The following FAM135B variants were observed in gnomAD, a reference collection of about 807,000 sequenced individuals.
FAM135B encodes the protein protein FAM135B.
In FAM135B, 43 loss-of-function variants were observed where a neutral mutation model predicts 127.7. The observed-to-expected ratio is 0.34, with a 90% confidence interval of 0.26 to 0.43. FAM135B has a LOEUF of 0.43. Among genes scored for constraint, FAM135B ranks in the 20% least tolerant of loss-of-function variants. FAM135B has a pLI of 1.00. For synonymous variants in FAM135B, 670 were observed against 665.1 expected, an observed-to-expected ratio of 1.01 and a Z score of -0.11; for missense variants, 1,558 against 1,725.6, an observed-to-expected ratio of 0.90 and a Z score of 1.72.
chr8:138,312,034 C>T (rs1484367515), intron 2 of FAM135B, among the ~76,000 whole-genome samples: 2 of 152,124 alleles, frequency 1.3e-5, no homozygotes, highest in Non-Finnish European at 2.9e-5. Context: ...ACAACATCTG[C>T]CTCCTGGGTT....
At chr8:138,200,966 G>A (rs539524196) in intron 7 of FAM135B, among the ~76,000 whole-genome samples, 6 of 152,148 alleles carry the variant, frequency 3.9e-5, no homozygotes, top group Admixed American at 2.0e-4. Flanking sequence ...GGGCTGATGC[G>A]AGCTTGTCCT....
intron 7 of FAM135B, among the ~76,000 whole-genome samples, chr8:138,231,936 G>A (rs1819934996): frequency 6.6e-6 from 1 of 152,186 alleles, no homozygotes. Context: ...AGAGGGTGGG[G>A]AGAAAGGGAT....
chr8:138,147,967 A>C (rs1395694770), intron 14 of FAM135B, among the ~76,000 whole-genome samples: 1 of 152,186 alleles, frequency 6.6e-6, no homozygotes, highest in Non-Finnish European at 1.5e-5. Context: ...CCTGGTATAC[A>C]AAAGGTATCC....
Position 138,134,595 on chromosome 8 carries a change from G to C in FAM135B, c.4016-1797C>G, listed in dbSNP as rs180711837. On this transcript the variant is annotated intron_variant, in intron 19 of 19. Coordinates refer to ENST00000395297, the MANE Select transcript of FAM135B (RefSeq NM_015912.4). ...GGCAAATTATCTACATGACAATGTA[G>C]AGAATAAATTGGAAGGTTATGTGAA... Among the ~76,000 whole-genome samples the C allele has an allele frequency of 3.9e-5, 6 of 152,178 alleles. No homozygotes were observed. The East Asian group carries it at 1.2e-3, about 29-fold the overall frequency.
At chr8:138,317,935 A>T (rs771694605) in intron 2 of FAM135B, among the ~76,000 whole-genome samples, 2 of 152,130 alleles carry the variant, frequency 1.3e-5, no homozygotes, top group South Asian at 4.1e-4. Context: ...GCTTATTACG[A>T]CCCCGCAGAA....
At chr8:138,359,145 T>C (rs891407717) in intron 2 of FAM135B, among the ~76,000 whole-genome samples, 17 of 152,138 alleles carry the variant, frequency 1.1e-4, no homozygotes, top group African/African-American at 3.6e-4. Flanking sequence ...TCACTCATCA[T>C]AGGAACAATG....
intron 12 of FAM135B, among the ~76,000 whole-genome samples, chr8:138,165,497 C>T (rs1819828853): frequency 6.6e-6 from 1 of 152,010 alleles, no homozygotes. Flanking sequence ...GATTCATATT[C>T]ACAAGAATGT....
At chr8:138,268,384 G>T (rs1823108126) in intron 3 of FAM135B, among the ~76,000 whole-genome samples, 1 of 152,176 alleles carries the variant, frequency 6.6e-6, no homozygotes, top group Non-Finnish European at 1.5e-5. Flanking sequence ...GGCTTAATGG[G>T]TATTTACTGA....
intron 2 of FAM135B, 143 bp downstream of exon 2, chr8:138,367,764 G>T (rs929034879): frequency 1.5e-6 from 1 of 657,040 alleles, no homozygotes; most frequent in South Asian, 1.9e-5. Flanking sequence ...TTTTGACTTG[G>T]CAAGAAAACA....
At chr8:138,168,154 C>G (rs1339733176) in intron 11 of FAM135B, 105 bp from the exon 12 acceptor site, 1 of 1,283,326 alleles carries the variant, frequency 7.8e-7, no homozygotes, top group Non-Finnish European at 1.1e-6. Context: ...TCAGCTGACT[C>G]TGGCAATTGT....
In FAM135B at chr8:138,243,001, T is replaced by G. The variant is rs1161912999; in HGVS notation, c.610A>C (p.Ile204Leu). ...AAGACCAAGTTTTCCAGAGAAATGA[T>G]AGACTGTTCTTGTCCGGTGTCTGGG... ...GGPDTGQEQSIISLENLVFGA... is the reference protein window; with the variant it reads ...GGPDTGQEQSLISLENLVFGA... The change falls in exon 7 of 20, where the codon ATC (isoleucine) becomes CTC (leucine). Residue 204 changes from isoleucine (I) to leucine (L), a missense_variant. Physicochemically the swap from Ile to Leu is conservative, Grantham distance 5. This residue lies in a region of FAM135B where 127 missense variants were observed against 109.7 expected (regional missense o/e 1.16). Coordinates refer to ENST00000395297, the MANE Select transcript of FAM135B (RefSeq NM_015912.4). The surrounding 1 kb of genome is among the most constrained non-coding windows in gnomAD (Gnocchi z 7.5). 1 of 1,613,996 alleles carries G rather than the reference T, an allele frequency of 6.2e-7. No individual in the cohort carries two copies. Among genetic ancestry groups the G allele is most frequent in the Non-Finnish European group, 8.5e-7 (1 of 1,179,936 alleles).
chr8:138,424,190 T>C (rs1834702350), intron 1 of FAM135B, among the ~76,000 whole-genome samples: 1 of 152,162 alleles, frequency 6.6e-6, no homozygotes, highest in Non-Finnish European at 1.5e-5. Context: ...ATTAAGATAT[T>C]AAAGACAGGC....
At chr8:138,156,556 TA>T in intron 12 of FAM135B, among the ~76,000 whole-genome samples, 1 of 151,714 alleles carries the variant, frequency 6.6e-6, no homozygotes, top group African/African-American at 2.4e-5. Context: ...CTAGGAAGAC[TA>T]ATAAAGAAGA....
At position 138,216,860 on chromosome 8, in the gene FAM135B, T is replaced by C. The variant is rs111368002; in HGVS notation, c.670-19191A>G. On this transcript the variant is annotated intron_variant, in intron 7 of 19. Coordinates refer to ENST00000395297, the MANE Select transcript of FAM135B (RefSeq NM_015912.4). ...TGAAAGACAGCTACAATCCTAACCA[T>C]CTTATAAAAGGGGAAACGAGGCATG... Among the ~76,000 whole-genome samples the C allele has an allele frequency of 8.1e-3, 1,234 of 152,188 alleles. 14 individuals carry two copies. The highest frequency in any genetic ancestry group is 0.028 in the African/African-American group (1,173 of 41,502).
At chr8:138,280,172 C>T (rs1824152599) in intron 3 of FAM135B, among the ~76,000 whole-genome samples, 1 of 152,044 alleles carries the variant, frequency 6.6e-6, no homozygotes, top group African/African-American at 2.4e-5. Context: ...ACTAGGGTAC[C>T]AAAAAACTAT....
At chr8:138,142,453 G>A (rs962698339) in intron 16 of FAM135B, among the ~76,000 whole-genome samples, 6 of 151,642 alleles carry the variant, frequency 4.0e-5, no homozygotes, top group Non-Finnish European at 5.9e-5. Flanking sequence ...GCAGGTGCCC[G>A]CCACCACTCC....
At chr8:138,379,710 G>C (rs1035419292) in intron 1 of FAM135B, among the ~76,000 whole-genome samples, 1 of 152,172 alleles carries the variant, frequency 6.6e-6, no homozygotes, top group African/African-American at 2.4e-5. Flanking sequence ...GGAGACAGAA[G>C]TTGCATCTCT....
At chr8:138,216,557 A>T (rs1160871087) in intron 7 of FAM135B, among the ~76,000 whole-genome samples, 1 of 152,292 alleles carries the variant, frequency 6.6e-6, no homozygotes, top group East Asian at 1.9e-4. Flanking sequence ...TTCATTCTGA[A>T]TCCTAAAGAA....
intron 2 of FAM135B, among the ~76,000 whole-genome samples, chr8:138,325,612 T>G (rs1428621885): frequency 6.6e-6 from 1 of 152,180 alleles, no homozygotes; most frequent in East Asian, 1.9e-4. Context: ...GCTAGCTAAT[T>G]AAGCTCTTAC....
Sources: allele counts gnomAD v4.1 joint callset (sites outside exome capture counted in the v4.1 genomes callset), GRCh38; gene constraint gnomAD v4.1.1; regional missense constraint gnomAD v4.1.1; non-coding constraint Gnocchi (gnomAD v3.1); transcripts MANE v1.5; gene names NCBI Gene and HGNC (gene_info 2026-07-23, HGNC 2026-07-21).